The following NXPE2 variants were observed in gnomAD, a reference collection of about 807,000 sequenced individuals.
NXPE2 encodes NXPE family member 2.
NXPE2 carries 34 observed loss-of-function variants against 34.4 expected under a neutral mutation model. The ratio of observed to expected loss-of-function variants is 0.99; its 90% CI spans 0.75 to 1.31. The LOEUF is 1.31. NXPE2 is among the 40% of genes most tolerant of loss of function. The pLI is 0.00. For synonymous variants in NXPE2, 235 were observed against 231.3 expected, an observed-to-expected ratio of 1.02 and a Z score of -0.15; for missense variants, 649 against 672.5, an observed-to-expected ratio of 0.97 and a Z score of 0.39.
chr11:114,626,127 T>A, the NXPE2 span, among the ~76,000 whole-genome samples: 1 of 152,056 alleles, frequency 6.6e-6, no homozygotes, highest in Admixed American at 6.5e-5. Flanking sequence ...CCAGGCTTGC[T>A]TAGGTAAACA....
At chr11:114,489,474 C>T in the NXPE2 span, among the ~76,000 whole-genome samples, 5 of 152,298 alleles carry the variant, frequency 3.3e-5, no homozygotes, top group South Asian at 2.1e-4. Flanking sequence ...TACTGGCAAA[C>T]GGAATCCAGC....
At chr11:114,697,911 A>C in intron 2 of NXPE2, 134 bp from the exon 3 acceptor site, 1 of 878,306 alleles carries the variant, frequency 1.1e-6, no homozygotes, top group Non-Finnish European at 1.6e-6. Flanking sequence ...TCCATAACTG[A>C]AAACCAGTTA....
the NXPE2 span, among the ~76,000 whole-genome samples, chr11:114,571,804 C>G: frequency 6.6e-6 from 1 of 152,082 alleles, no homozygotes; most frequent in Non-Finnish European, 1.5e-5. Flanking sequence ...ATCCATAGAC[C>G]CTTTGAAGGA....
chr11:114,643,744 C>CT, the NXPE2 span, among the ~76,000 whole-genome samples: 21 of 151,546 alleles, frequency 1.4e-4, no homozygotes, highest in Non-Finnish European at 2.7e-4. Context: ...TATATGGGCT[C>CT]TTTTTTGGTA....
chr11:114,519,058 A>G, the NXPE2 span, among the ~76,000 whole-genome samples: 9 of 152,222 alleles, frequency 5.9e-5, no homozygotes, highest in African/African-American at 2.2e-4. Flanking sequence ...AACCCCAAGA[A>G]CAAAACCAGA....
At chr11:114,528,973 T>A in the NXPE2 span, 1 of 439,858 alleles carries the variant, frequency 2.3e-6, no homozygotes, top group Non-Finnish European at 4.1e-6. Context: ...GCTTTTACTT[T>A]TCAGAAGGGA....
the NXPE2 span, among the ~76,000 whole-genome samples, chr11:114,749,809 A>G: frequency 2.0e-5 from 3 of 150,930 alleles, no homozygotes; most frequent in African/African-American, 7.3e-5. Context: ...AGGCTTTGAA[A>G]CTCACCGTAA....
At chr11:114,666,970 C>A in the NXPE2 span, among the ~76,000 whole-genome samples, 1 of 152,108 alleles carries the variant, frequency 6.6e-6, no homozygotes, top group Admixed American at 6.6e-5. Context: ...CACCCATAGC[C>A]CTCAGAAACA....
At chr11:114,523,139 A>T in the NXPE2 span, 1 of 1,352,896 alleles carries the variant, frequency 7.4e-7, no homozygotes, top group East Asian at 2.3e-5. Context: ...AAACTTAGAC[A>T]TCTAGCCTTC....
chr11:114,627,201 C>A, the NXPE2 span, among the ~76,000 whole-genome samples: 158 of 152,008 alleles, frequency 1.0e-3, 1 homozygote, highest in Admixed American at 8.4e-3. Flanking sequence ...AAGAGCAACC[C>A]CAAGACACAT....
At chr11:114,725,541 A>G in the NXPE2 span, among the ~76,000 whole-genome samples, 2 of 151,880 alleles carry the variant, frequency 1.3e-5, no homozygotes, top group African/African-American at 4.8e-5. Flanking sequence ...TAGACAATCC[A>G]TAGCCCCTTC....
chr11:114,744,466 G>C, the NXPE2 span, among the ~76,000 whole-genome samples: 1 of 151,844 alleles, frequency 6.6e-6, no homozygotes, highest in Non-Finnish European at 1.5e-5. Context: ...AAATAAGTGA[G>C]CATTCTGGAT....
At chr11:114,789,712 G>A in the NXPE2 span, among the ~76,000 whole-genome samples, 3 of 152,258 alleles carry the variant, frequency 2.0e-5, no homozygotes, top group Admixed American at 6.5e-5. Context: ...CTGAAGGGCC[G>A]GCCTCTTGAG....
the NXPE2 span, chr11:114,530,579 C>T: frequency 1.9e-6 from 3 of 1,613,796 alleles, no homozygotes; most frequent in African/African-American, 2.7e-5. Flanking sequence ...CTGGGGAGGA[C>T]ATCCTGGCCC....
chr11:114,725,360 T>C, the NXPE2 span, among the ~76,000 whole-genome samples: 1 of 152,138 alleles, frequency 6.6e-6, no homozygotes, highest in Non-Finnish European at 1.5e-5. Flanking sequence ...GCCTTTGACC[T>C]AGTTAAAGCT....
chr11:114,617,309 A>C, the NXPE2 span, among the ~76,000 whole-genome samples: 5 of 151,926 alleles, frequency 3.3e-5, no homozygotes, highest in Non-Finnish European at 7.4e-5. Context: ...CCAGATACTA[A>C]GTTTTGCCTC....
chr11:114,491,420 A>G, the NXPE2 span, among the ~76,000 whole-genome samples: 1 of 152,144 alleles, frequency 6.6e-6, no homozygotes, highest in African/African-American at 2.4e-5. Flanking sequence ...GCTCATCATC[A>G]CTGGCCATCA....
chr11:114,508,286 G>A, the NXPE2 span, among the ~76,000 whole-genome samples: 1 of 152,180 alleles, frequency 6.6e-6, no homozygotes, highest in Admixed American at 6.5e-5. Context: ...TCATGTATAG[G>A]AAGAGTCAAT....
chr11:114,727,218 C>G, the NXPE2 span, among the ~76,000 whole-genome samples: 1 of 152,050 alleles, frequency 6.6e-6, no homozygotes, highest in Non-Finnish European at 1.5e-5. Context: ...ATTTATCTGT[C>G]TCTGCTTCAG....
Sources: gnomAD v4.1 joint callset for allele counts (sites outside exome capture counted in the v4.1 genomes callset) on GRCh38, gnomAD v4.1.1 for gene constraint, MANE v1.5 for transcripts, NCBI Gene and HGNC (gene_info 2026-07-23, HGNC 2026-07-21) for gene names.